Variants in HDAC8 observed in about 807,000 individuals in gnomAD.
HDAC8 encodes histone deacetylase-like 1.
Under a neutral mutation model 32.2 loss-of-function variants are expected in HDAC8, and 1 was observed. The observed-to-expected ratio is 0.03, with a 90% CI of 0.01 to 0.15. The LOEUF is 0.15. Ranked by LOEUF, HDAC8 falls within the 10% of genes least tolerant of loss-of-function variation. The pLI is 1.00. For missense variants in HDAC8, 117 were observed against 300.0 expected, an observed-to-expected ratio of 0.39 and a Z score of 4.51; for synonymous variants, 108 against 113.9, an observed-to-expected ratio of 0.95 and a Z score of 0.33.
chrX:72,443,713 C>CA (rs1180354273), intron 9 of HDAC8, among the ~76,000 whole-genome samples: 3 of 107,525 alleles, frequency 2.8e-5, no homozygotes, highest in African/African-American at 7.2e-5. Context: ...AATACAGACA[C>CA]AAAAAACCCT....
intron 7 of HDAC8, among the ~76,000 whole-genome samples, chrX:72,468,912 T>G (rs2048093443): frequency 8.9e-6 from 1 of 111,763 alleles, no homozygotes; most frequent in South Asian, 3.8e-4. Context: ...TTTTTCCCCC[T>G]GCCTGTTCTA....
intron 9 of HDAC8, among the ~76,000 whole-genome samples, chrX:72,391,810 T>G (rs2045619216): frequency 9.0e-6 from 1 of 111,415 alleles, no homozygotes; most frequent in Non-Finnish European, 1.9e-5. Flanking sequence ...TGACACCTCC[T>G]GAGCGAATTA....
intron 9 of HDAC8, among the ~76,000 whole-genome samples, chrX:72,454,789 T>C (rs1476244343): frequency 8.9e-6 from 1 of 112,730 alleles, no homozygotes; most frequent in Admixed American, 9.4e-5. Context: ...TTCCACATTA[T>C]AGCTTGGAGA....
intron 7 of HDAC8, among the ~76,000 whole-genome samples, chrX:72,487,012 A>C (rs1202651094): frequency 8.9e-6 from 1 of 111,787 alleles, no homozygotes; most frequent in East Asian, 2.8e-4. Context: ...TTGCATTGCC[A>C]ATGTGGGTCC....
chrX:72,413,535 T>C (rs2046257728), intron 9 of HDAC8, among the ~76,000 whole-genome samples: 1 of 110,844 alleles, frequency 9.0e-6, no homozygotes, highest in African/African-American at 3.3e-5. Flanking sequence ...CAAATATATT[T>C]GATATGGTTT....
rs376942697 is a variant in HDAC8 at position 72,537,548 on chromosome X, A to G, written c.437+30341T>C. Among the ~76,000 whole-genome samples the G allele has an allele frequency of 1.2e-4, 13 of 112,229 alleles. No homozygotes were observed. The East Asian group carries it at 2.5e-3, about 22-fold the overall frequency. On this transcript the variant is annotated intron_variant, in intron 4 of 10. Transcript: ENST00000373573. The stretch of plus-strand genomic sequence containing the variant: ...ATTGTTGTACCTTCTTTATGGATAT[A>G]TATCCCTCTTATAGTAAATCCACAG...
chrX:72,544,909 G>A (rs1345744684), intron 4 of HDAC8, among the ~76,000 whole-genome samples: 1 of 111,957 alleles, frequency 8.9e-6, no homozygotes, highest in South Asian at 3.8e-4. Context: ...TTTGTAGAAG[G>A]CCTTGATTTT....
intron 4 of HDAC8, among the ~76,000 whole-genome samples, chrX:72,513,563 G>C (rs1283344766): frequency 1.8e-5 from 2 of 110,662 alleles, no homozygotes; most frequent in African/African-American, 6.6e-5. Flanking sequence ...CCTGATTTCA[G>C]GTGATCTGCC....
intron 9 of HDAC8, among the ~76,000 whole-genome samples, chrX:72,443,426 T>C (rs2047249694): frequency 9.0e-6 from 1 of 111,064 alleles, no homozygotes; most frequent in Non-Finnish European, 1.9e-5. Context: ...AACCTGCTCC[T>C]GAATGACTAC....
intron 7 of HDAC8, chrX:72,468,063 C>T: frequency 1.7e-6 from 2 of 1,148,099 alleles, no homozygotes; most frequent in Non-Finnish European, 2.3e-6. Flanking sequence ...GGTAGGGCAT[C>T]TTGTACATAG....
chrX:72,473,621 C>T, intron 7 of HDAC8: 2 of 710,544 alleles, frequency 2.8e-6, no homozygotes, highest in Non-Finnish European at 3.3e-6. Flanking sequence ...TGAACCCAGG[C>T]ATCCAGGCAC....
At chrX:72,566,662 C>T (rs2051803878) in intron 4 of HDAC8, among the ~76,000 whole-genome samples, 1 of 112,218 alleles carries the variant, frequency 8.9e-6, no homozygotes, top group East Asian at 2.8e-4. Context: ...CTGAGTGAGG[C>T]ATTGGCAGTT....
intron 7 of HDAC8, among the ~76,000 whole-genome samples, chrX:72,482,219 CATG>C (rs1480488583): frequency 2.7e-5 from 3 of 111,064 alleles, no homozygotes; most frequent in African/African-American, 9.9e-5. Flanking sequence ...TTTAAAAATG[CATG>C]ATGTTAAAAA....
intron 9 of HDAC8, among the ~76,000 whole-genome samples, chrX:72,452,676 C>T (rs2047601573): frequency 8.9e-6 from 1 of 111,818 alleles, no homozygotes; most frequent in Admixed American, 9.5e-5. Context: ...AAGGATCAAA[C>T]TGATCCACAA....
At chrX:72,378,856 T>C (rs782225282) in intron 9 of HDAC8, among the ~76,000 whole-genome samples, 1 of 110,759 alleles carries the variant, frequency 9.0e-6, no homozygotes, top group Non-Finnish European at 1.9e-5. Context: ...GCCTGAAGGA[T>C]TCCCTTCAGT....
intron 9 of HDAC8, among the ~76,000 whole-genome samples, chrX:72,401,042 C>T (rs947572836): frequency 8.9e-6 from 1 of 112,070 alleles, no homozygotes; most frequent in Non-Finnish European, 1.9e-5. Flanking sequence ...CTACTACGAA[C>T]ATTTGTGTAC....
chrX:72,486,515 C>CT (rs1338592889), intron 7 of HDAC8, among the ~76,000 whole-genome samples: 2 of 111,621 alleles, frequency 1.8e-5, no homozygotes, highest in South Asian at 3.8e-4. Flanking sequence ...CTAAAAGTTT[C>CT]TTTTTTTTAA....
At chrX:72,362,073 C>T (rs1425616429) in intron 9 of HDAC8, among the ~76,000 whole-genome samples, 1 of 111,419 alleles carries the variant, frequency 9.0e-6, no homozygotes, top group Admixed American at 9.5e-5. Context: ...TTGCTCTACA[C>T]TGATGTAGTT....
At chrX:72,559,705 G>A (rs1411972372) in intron 4 of HDAC8, among the ~76,000 whole-genome samples, 1 of 106,150 alleles carries the variant, frequency 9.4e-6, no homozygotes, top group East Asian at 3.0e-4. Context: ...TGTGAGGAGC[G>A]CCTCTGCCCA....
Sources: gnomAD v4.1 joint callset for allele counts (sites outside exome capture counted in the v4.1 genomes callset) on GRCh38, gnomAD v4.1.1 for gene constraint, MANE v1.5 for transcripts, NCBI Gene and HGNC (gene_info 2026-07-23, HGNC 2026-07-21) for gene names.